LRRC4C: variants seen among roughly 807,000 people sequenced by gnomAD.
The protein encoded by LRRC4C is leucine rich repeat containing 4C, also known as leucine-rich repeat-containing protein 4C.
LRRC4C carries 5 observed loss-of-function variants against 33.6 expected under a neutral mutation model. That is an observed-to-expected ratio of 0.15 (90% CI 0.08 to 0.31). The LOEUF is 0.31. LRRC4C is among the 10% of genes least tolerant of loss of function. LRRC4C has a pLI of 1.00. For missense variants in LRRC4C, 560 were observed against 796.7 expected (o/e 0.70, Z 3.58); for synonymous variants, 329 against 302.0 (o/e 1.09, Z -0.93).
At chr11:40,164,535 C>T (rs1859426948) in intron 5 of LRRC4C, among the ~76,000 whole-genome samples, 1 of 152,236 alleles carries the variant, frequency 6.6e-6, no homozygotes, top group Admixed American at 6.5e-5. Flanking sequence ...CCGTGCCCAG[C>T]CAAATCCTGT....
intron 1 of LRRC4C, among the ~76,000 whole-genome samples, chr11:41,317,640 A>G (rs1039154595): frequency 2.0e-5 from 3 of 152,004 alleles, no homozygotes; most frequent in Non-Finnish European, 2.9e-5. Context: ...TATTATTGTC[A>G]TCATTCAGTA....
chr11:41,068,085 T>A (rs917260122), intron 1 of LRRC4C, among the ~76,000 whole-genome samples: 2 of 151,918 alleles, frequency 1.3e-5, no homozygotes, highest in African/African-American at 4.8e-5. Context: ...GAAAGAGATA[T>A]GAAAAACCCT....
rs1949949075 is a variant in LRRC4C at position 40,405,934 on chromosome 11, T to C, written c.-269-86213A>G. Among the ~76,000 whole-genome samples, 3 of 151,858 alleles carry C rather than the reference T, an allele frequency of 2.0e-5. No homozygotes were observed. In the South Asian group the frequency reaches 6.2e-4, roughly 31 times the overall value. The stretch of plus-strand genomic sequence containing the variant: ...GTAGGCAAGAGCTCTCTATCCACAG[T>C]AGGCCACTTACCTTTCTCTGTATGG... On this transcript the variant is annotated intron_variant, in intron 3 of 6. Transcript: ENST00000528697.
Position 41,035,134 on chromosome 11 carries a change from G to A in LRRC4C, c.-495-101411C>T, listed in dbSNP as rs541126058. On this transcript the variant is annotated intron_variant, in intron 1 of 6. Transcript: ENST00000528697. ...TTCTTCCTTTGGTGGAGCTTGCAGC[G>A]AGCCGATATTGTGCCACTGCACTCC... Among the ~76,000 whole-genome samples the A allele has an allele frequency of 7.9e-5, 12 of 150,954 alleles. No individual in the cohort carries two copies. In the East Asian group the frequency reaches 1.7e-3, roughly 22 times the overall value.
intron 4 of LRRC4C, among the ~76,000 whole-genome samples, chr11:40,273,086 T>C (rs1565214166): frequency 6.6e-6 from 1 of 152,178 alleles, no homozygotes; most frequent in Non-Finnish European, 1.5e-5. Context: ...ATAAATTAAG[T>C]CTTGCTTTAA....
chr11:41,121,795 A>G (rs1942445721), intron 1 of LRRC4C, among the ~76,000 whole-genome samples: 1 of 152,210 alleles, frequency 6.6e-6, no homozygotes. Flanking sequence ...GCTGAATCAT[A>G]GAGCAAATAT....
chr11:40,529,099 G>A (rs1366372496), intron 3 of LRRC4C, among the ~76,000 whole-genome samples: 2 of 152,120 alleles, frequency 1.3e-5, no homozygotes, highest in African/African-American at 4.8e-5. Context: ...GTTTTACACT[G>A]TTGACTGTCA....
chr11:41,196,156 A>G (rs1946169963), intron 1 of LRRC4C, among the ~76,000 whole-genome samples: 1 of 152,080 alleles, frequency 6.6e-6, no homozygotes. Flanking sequence ...GTGTATGAGC[A>G]CCTCATCCTG....
intron 3 of LRRC4C, among the ~76,000 whole-genome samples, chr11:40,629,051 C>T (rs1252374114): frequency 6.6e-6 from 1 of 152,082 alleles, no homozygotes; most frequent in Non-Finnish European, 1.5e-5. Flanking sequence ...TCATCTTAAA[C>T]ATTTGACTAA....
intron 1 of LRRC4C, among the ~76,000 whole-genome samples, chr11:41,215,247 G>A (rs1462086986): frequency 6.6e-6 from 1 of 151,478 alleles, no homozygotes; most frequent in Non-Finnish European, 1.5e-5. Flanking sequence ...CAGCACGTTG[G>A]GAGGCCAAGG....
chr11:41,446,757 C>G (rs1177973464), intron 1 of LRRC4C, among the ~76,000 whole-genome samples: 4 of 152,020 alleles, frequency 2.6e-5, no homozygotes, highest in Non-Finnish European at 5.9e-5. Context: ...AATGCACATA[C>G]CAGGATATGT....
At chr11:40,162,057 C>A (rs1286536523) in intron 5 of LRRC4C, among the ~76,000 whole-genome samples, 3 of 151,836 alleles carry the variant, frequency 2.0e-5, no homozygotes, top group Non-Finnish European at 2.9e-5. Context: ...TTTAAATATT[C>A]ATGAATAAGT....
chr11:41,304,830 C>G (rs1419105615), intron 1 of LRRC4C, among the ~76,000 whole-genome samples: 1 of 107,686 alleles, frequency 9.3e-6, no homozygotes, highest in Non-Finnish European at 1.9e-5. Context: ...GGGGGTCAGC[C>G]CCCCGCCCGG....
chr11:40,304,725 G>A (rs1048321243), intron 4 of LRRC4C, among the ~76,000 whole-genome samples: 1 of 151,298 alleles, frequency 6.6e-6, no homozygotes, highest in Admixed American at 6.6e-5. Flanking sequence ...ACTTCTTTTA[G>A]ACTTTCAACC....
intron 3 of LRRC4C, among the ~76,000 whole-genome samples, chr11:40,477,308 GAA>G (rs113000726): frequency 6.7e-6 from 1 of 149,570 alleles, no homozygotes; most frequent in East Asian, 2.0e-4. Flanking sequence ...ACAACATCAA[GAA>G]AAAAAAAATC....
chr11:41,283,765 C>G (rs1226141650), intron 1 of LRRC4C, among the ~76,000 whole-genome samples: 1 of 152,146 alleles, frequency 6.6e-6, no homozygotes, highest in Non-Finnish European at 1.5e-5. Flanking sequence ...GCTCTAGTAA[C>G]AAGAGCAGAA....
chr11:40,173,006 G>T lies in LRRC4C; in HGVS notation c.-95-32153C>A, dbSNP rs149944514. On this transcript the variant is annotated intron_variant, in intron 5 of 6. Coordinates refer to ENST00000528697, the MANE Select transcript of LRRC4C (RefSeq NM_001258419.2). ...TCAAGTGAAGACAAGTAAAGAGACG[G>T]CAGTCATGAGACTGAAGCAGTACAT... Among the ~76,000 whole-genome samples the T allele has an allele frequency of 1.2e-4, 18 of 152,274 alleles. No homozygotes were observed. In the East Asian group the frequency reaches 3.5e-3, roughly 30 times the overall value.
Position 41,304,249 on chromosome 11 carries a change from T to A in LRRC4C, c.-496+155182A>T, listed in dbSNP as rs1322075222. ...GGGGTCAGCCCTCCGCCCAGCCAGCTGCCCCGTCTGGGAGGTGAGGGGCGC... is the reference window on the plus strand; with the variant it reads ...GGGGTCAGCCCTCCGCCCAGCCAGCAGCCCCGTCTGGGAGGTGAGGGGCGC... On this transcript the variant is annotated intron_variant, in intron 1 of 6. Transcript: ENST00000528697. 8.0e-5 allele frequency among the ~76,000 whole-genome samples: 4 copies of A among 49,814 alleles called. No homozygotes were observed. The Admixed American group carries it at 8.8e-4, about 11-fold the overall frequency. The allele number at this position is 49,814 out of a possible 152,430, so 32.7% of individuals were successfully genotyped here. A position where few individuals can be genotyped will look rare whatever the true frequency, so the allele number is the denominator to read the frequency against.
In LRRC4C at chr11:40,662,165, G is replaced by T. The variant is rs115287850; in HGVS notation, c.-406-13887C>A. ...TATCATCTGCATAATGTCCTGCAAG[G>T]TCAAGCTCAAAATTAGAATTCTCAG... On this transcript the variant is annotated intron_variant, in intron 2 of 6. Coordinates refer to ENST00000528697, the MANE Select transcript of LRRC4C (RefSeq NM_001258419.2). Among the ~76,000 whole-genome samples, 731 of 152,222 alleles carry T rather than the reference G, an allele frequency of 4.8e-3. 7 individuals are homozygous for T. The highest frequency in any genetic ancestry group is 0.016 in the African/African-American group (652 of 41,548).
Sources: allele counts gnomAD v4.1 joint callset (sites outside exome capture counted in the v4.1 genomes callset), GRCh38; gene constraint gnomAD v4.1.1; transcripts MANE v1.5; gene names NCBI Gene and HGNC (gene_info 2026-07-23, HGNC 2026-07-21).